The following EMSY variants were observed in gnomAD, a reference collection of about 807,000 sequenced individuals.
EMSY encodes EMSY transcriptional repressor, BRCA2 interacting.
A neutral mutation model predicts 134.6 loss-of-function variants in EMSY; 26 were observed. That is an observed-to-expected ratio of 0.19 (90% CI 0.14 to 0.27). EMSY has a LOEUF of 0.27. Ranked by LOEUF, EMSY falls within the 10% of genes least tolerant of loss-of-function variation. EMSY has a pLI of 1.00. For synonymous variants in EMSY, 579 were observed against 577.8 expected, an observed-to-expected ratio of 1.00 and a Z score of -0.03; for missense variants, 1,305 against 1,611.4, an observed-to-expected ratio of 0.81 and a Z score of 3.26.
chr11:76,496,445 A>G lies in EMSY; in HGVS notation c.1339A>G (p.Thr447Ala), dbSNP rs1216376262. 5.6e-6 allele frequency: 9 copies of G among 1,613,994 alleles called. No individual in the cohort carries two copies. The Admixed American group carries it at 1.2e-4, about 21-fold the overall frequency. Residue 447 changes from threonine (T) to alanine (A), a missense_variant, in exon 9 of 21, where the codon ACC (threonine) becomes GCC (alanine). Thr to Ala is a moderately conservative substitution (Grantham distance 58). Around this residue, in one of 7 missense-constraint regions of EMSY, gnomAD observed 198 missense variants for 287.6 expected, o/e 0.69. Coordinates refer to ENST00000334736, the Ensembl canonical transcript of EMSY. ...TCCTTTGCCACCTGGTATTAAACCTACCATCCAAATCAAACAGGAGTCAGG... is the reference window on the plus strand; with the variant it reads ...TCCTTTGCCACCTGGTATTAAACCTGCCATCCAAATCAAACAGGAGTCAGG...
In EMSY at chr11:76,515,803, G is replaced by A. The variant is rs114528282; in HGVS notation, c.1514-339G>A. Reference sequence around the variant, plus strand: ...CAGAAATATCTAAAATACTCTGGCAGGAAAGATGATTAAATTTGTTTCTTT... The same window carrying A: ...CAGAAATATCTAAAATACTCTGGCAAGAAAGATGATTAAATTTGTTTCTTT... On this transcript the variant is annotated intron_variant, in intron 10 of 20. Transcript: ENST00000334736. Among the ~76,000 whole-genome samples the A allele has an allele frequency of 4.0e-3, 605 of 152,260 alleles. 3 individuals carry two copies. Among genetic ancestry groups the A allele is most frequent in the African/African-American group, 0.014 (562 of 41,550 alleles).
intron 2 of EMSY, among the ~76,000 whole-genome samples, chr11:76,449,925 A>C (rs911714838): frequency 2.6e-5 from 4 of 152,066 alleles, no homozygotes; most frequent in African/African-American, 9.7e-5. Context: ...TGAGTTAGGG[A>C]CTATCCAAGT....
chr11:76,474,756 G>A (rs1247778170), intron 8 of EMSY, among the ~76,000 whole-genome samples: 3 of 152,236 alleles, frequency 2.0e-5, no homozygotes, highest in Non-Finnish European at 4.4e-5. Flanking sequence ...ATATAGTCCT[G>A]TTAAATACAG....
At chr11:76,496,177 C>T in intron 8 of EMSY, 38 bp from the exon 10 acceptor site, 2 of 1,564,392 alleles carry the variant, frequency 1.3e-6, no homozygotes, top group South Asian at 1.2e-5. Flanking sequence ...ATTTTGCTTT[C>T]CTATCAAATT....
At chr11:76,541,176 A>C (rs927579168) in intron 17 of EMSY, among the ~76,000 whole-genome samples, 16 of 152,210 alleles carry the variant, frequency 1.1e-4, no homozygotes, top group African/African-American at 3.9e-4. Context: ...CAGTGAACAG[A>C]GATTGTGCCA....
intron 17 of EMSY, among the ~76,000 whole-genome samples, chr11:76,539,892 A>C (rs888345221): frequency 1.3e-5 from 2 of 152,166 alleles, no homozygotes; most frequent in African/African-American, 2.4e-5. Context: ...TGGCCCAGTT[A>C]AGGTCACTTC....
chr11:76,502,801 A>G (rs1485346839), intron 9 of EMSY, among the ~76,000 whole-genome samples: 1 of 152,218 alleles, frequency 6.6e-6, no homozygotes, highest in African/African-American at 2.4e-5. Flanking sequence ...CTAAATAAAT[A>G]GGAAAGCATA....
At chr11:76,529,038 G>A (rs1339740566) in intron 14 of EMSY, among the ~76,000 whole-genome samples, 1 of 152,102 alleles carries the variant, frequency 6.6e-6, no homozygotes, top group Non-Finnish European at 1.5e-5. Context: ...TGGAAGGAAC[G>A]ATGAAGCTAG....
intron 1 of EMSY, among the ~76,000 whole-genome samples, chr11:76,446,049 C>G (rs1256083183): frequency 1.3e-5 from 2 of 152,076 alleles, no homozygotes; most frequent in African/African-American, 4.8e-5. Flanking sequence ...AGACAGTGAG[C>G]TCGTTCATTC....
intron 14 of EMSY, 117 bp downstream of exon 15, chr11:76,528,583 TC>T: frequency 8.1e-6 from 5 of 616,232 alleles, no homozygotes; most frequent in South Asian, 3.5e-5. Context: ...TCAATTCTTT[TC>T]CTTTTTTTTT....
intron 19 of EMSY, 98 bp downstream of exon 20, chr11:76,544,920 T>C: frequency 7.5e-7 from 1 of 1,332,712 alleles, no homozygotes; most frequent in Non-Finnish European, 1.0e-6. Context: ...TGCTTTCTCC[T>C]GGCAAGAGGA....
intron 7 of EMSY, among the ~76,000 whole-genome samples, chr11:76,468,365 A>T (rs1948443706): frequency 6.6e-6 from 1 of 152,204 alleles, no homozygotes; most frequent in Non-Finnish European, 1.5e-5. Context: ...AATAAGACTC[A>T]TTCATTCCAC....
intron 9 of EMSY, among the ~76,000 whole-genome samples, chr11:76,505,168 T>C (rs1490406807): frequency 6.6e-6 from 1 of 152,190 alleles, no homozygotes; most frequent in African/African-American, 2.4e-5. Flanking sequence ...TAGTCAATTA[T>C]ATTTTGATAA....
exon 6 of EMSY, chr11:76,460,060 A>G (rs1454019768): frequency 1.2e-6 from 2 of 1,614,084 alleles, no homozygotes; most frequent in Non-Finnish European, 1.7e-6. Flanking sequence ...TTGTCTTGCC[A>G]AGTGGAAGTA....
At chr11:76,449,973 A>G (rs901600335) in intron 2 of EMSY, among the ~76,000 whole-genome samples, 13 of 152,096 alleles carry the variant, frequency 8.5e-5, no homozygotes, top group Admixed American at 6.5e-4. Context: ...TAAAACTCTC[A>G]AACATAGTTA....
intron 8 of EMSY, among the ~76,000 whole-genome samples, chr11:76,493,818 A>T (rs1590886533): frequency 6.6e-6 from 1 of 152,130 alleles, no homozygotes; most frequent in Admixed American, 6.5e-5. Flanking sequence ...AGAACTGGAG[A>T]CCCGCCAAAT....
At chr11:76,453,559 GTT>G in intron 4 of EMSY, 171 bp downstream of exon 4, 1 of 483,484 alleles carries the variant, frequency 2.1e-6, no homozygotes, top group Non-Finnish European at 3.4e-6. Flanking sequence ...ATTCAGTTGG[GTT>G]TTTTTTTGCA....
intron 8 of EMSY, among the ~76,000 whole-genome samples, chr11:76,479,349 C>G (rs1321636350): frequency 2.0e-5 from 3 of 152,192 alleles, no homozygotes; most frequent in Non-Finnish European, 4.4e-5. Flanking sequence ...AAAAAAGACT[C>G]CTTCTGCCTT....
intron 11 of EMSY, among the ~76,000 whole-genome samples, chr11:76,518,226 G>A (rs1231409707): frequency 1.4e-5 from 2 of 145,590 alleles, no homozygotes; most frequent in Admixed American, 7.1e-5. Flanking sequence ...CCAGGGTGCA[G>A]TGGCATGATT....
Sources: allele counts gnomAD v4.1 joint callset (sites outside exome capture counted in the v4.1 genomes callset), GRCh38; gene constraint gnomAD v4.1.1; regional missense constraint gnomAD v4.1.1; transcripts MANE v1.5; gene names NCBI Gene and HGNC (gene_info 2026-07-23, HGNC 2026-07-21).